Variants in CAPS2 observed in about 807,000 individuals in gnomAD.
The protein encoded by CAPS2 is calcyphosine 2.
In CAPS2, 98 loss-of-function variants were observed where a neutral mutation model predicts 86.5. The observed-to-expected ratio is 1.13, with a 90% CI of 0.96 to 1.34. CAPS2 has a LOEUF of 1.34. Ranked by LOEUF, CAPS2 falls within the 40% of genes most tolerant of loss-of-function variation. The pLI is 0.00. For synonymous variants in CAPS2, 210 were observed against 225.1 expected (o/e 0.93, Z 0.60); for missense variants, 729 against 686.8 (o/e 1.06, Z -0.69).
intron 16 of CAPS2, among the ~76,000 whole-genome samples, chr12:75,280,399 G>C (rs2033714160): frequency 6.6e-6 from 1 of 151,654 alleles, no homozygotes; most frequent in Admixed American, 6.6e-5. Context: ...CTTGCCTGTT[G>C]TCATTTTTAA....
Position 75,305,196 on chromosome 12 carries a change from C to T in CAPS2, c.660-320G>A, listed in dbSNP as rs111932707. On this transcript the variant is annotated intron_variant, in intron 7 of 16. Transcript: ENST00000393284. ...CATGTGGGAGGTGTGTAGGAGAGAA[C>T]ACAGGTAAAGTAAAATAAAAATATA... is the stretch of plus-strand genomic sequence containing the variant. 4.7e-3 allele frequency among the ~76,000 whole-genome samples: 711 copies of T among 151,966 alleles called. 7 individuals are homozygous for T. Among genetic ancestry groups the T allele is most frequent in the African/African-American group, 0.016 (680 of 41,438 alleles).
intron 13 of CAPS2, among the ~76,000 whole-genome samples, chr12:75,290,883 T>C (rs1484468807): frequency 6.7e-6 from 1 of 149,506 alleles, no homozygotes; most frequent in Non-Finnish European, 1.5e-5. Flanking sequence ...GTGATTGTAC[T>C]ATTGCACTCC....
chr12:75,310,323 T>C (rs1008298394), intron 7 of CAPS2, among the ~76,000 whole-genome samples: 2 of 152,226 alleles, frequency 1.3e-5, no homozygotes, highest in Admixed American at 6.5e-5. Flanking sequence ...GGTTTATTTA[T>C]GGTAAGGCCA....
upstream of CAPS2, chr12:75,326,542 G>A (rs1205331326): frequency 1.8e-6 from 2 of 1,133,578 alleles, no homozygotes; most frequent in South Asian, 2.7e-5. Context: ...GAAAAAGGTA[G>A]AGTAAATGTT....
intron 1 of CAPS2, among the ~76,000 whole-genome samples, chr12:75,362,814 T>C (rs2043695291): frequency 6.6e-6 from 1 of 152,178 alleles, no homozygotes; most frequent in Non-Finnish European, 1.5e-5. Flanking sequence ...AATCATACTA[T>C]CTATGACAAA....
At chr12:75,341,901 C>T (rs1468874700) in intron 1 of CAPS2, among the ~76,000 whole-genome samples, 1 of 151,900 alleles carries the variant, frequency 6.6e-6, no homozygotes, top group Non-Finnish European at 1.5e-5. Flanking sequence ...AGCACCGCCC[C>T]CACACCTGGC....
chr12:75,278,137 A>C, exon 17 of CAPS2: 3 of 934,312 alleles, frequency 3.2e-6, no homozygotes, highest in Non-Finnish European at 3.8e-6. Flanking sequence ...TTGCTCAATA[A>C]CAATCGTATG....
chr12:75,276,905 T>C (rs185751955), downstream of CAPS2: 1 of 984,536 alleles, frequency 1.0e-6, no homozygotes, highest in Admixed American at 6.2e-5. Flanking sequence ...AGCATAGGAT[T>C]TCAAAAGTCA....
chr12:75,361,552 A>G (rs1373149822), intron 1 of CAPS2, among the ~76,000 whole-genome samples: 1 of 152,168 alleles, frequency 6.6e-6, no homozygotes, highest in African/African-American at 2.4e-5. Context: ...GCTGTACCTC[A>G]GCCTGTTTTA....
intron 1 of CAPS2, chr12:75,370,477 A>C (rs1331598095): frequency 5.0e-6 from 1 of 199,726 alleles, no homozygotes; most frequent in African/African-American, 2.3e-5. Flanking sequence ...TAGAGAACTA[A>C]AGACTTTTCA....
intron 7 of CAPS2, chr12:75,305,805 A>G: frequency 1.4e-6 from 1 of 735,954 alleles, no homozygotes. Context: ...AGCTACAATT[A>G]GTGATGGAGG....
At chr12:75,277,019 G>C (rs1013030305), downstream of CAPS2, 6 of 984,500 alleles carry the variant, frequency 6.1e-6, no homozygotes, top group African/African-American at 8.8e-5. Flanking sequence ...GAAGAATGCA[G>C]GCAGTCAGGC....
intron 15 of CAPS2, among the ~76,000 whole-genome samples, chr12:75,284,328 T>C (rs1258440418): frequency 2.6e-5 from 4 of 152,144 alleles, no homozygotes; most frequent in Non-Finnish European, 4.4e-5. Context: ...ATTAAGTACA[T>C]ATGCAAAAGA....
intron 7 of CAPS2, chr12:75,306,002 C>T (rs1399044251): frequency 2.0e-5 from 29 of 1,459,484 alleles, no homozygotes; most frequent in Admixed American, 3.8e-5. Context: ...AGGCCTCCTG[C>T]TCATGATCCT....
chr12:75,292,330 T>A (rs2036116794), intron 12 of CAPS2, among the ~76,000 whole-genome samples: 1 of 152,062 alleles, frequency 6.6e-6, no homozygotes, highest in Non-Finnish European at 1.5e-5. Flanking sequence ...CCTCCCAAAG[T>A]GCTGGGATTA....
intron 1 of CAPS2, among the ~76,000 whole-genome samples, chr12:75,339,108 G>A (rs547679421): frequency 2.0e-4 from 31 of 152,240 alleles, no homozygotes; most frequent in Non-Finnish European, 3.8e-4. Flanking sequence ...ATTCCTTTGG[G>A]TACATACCCA....
chr12:75,356,011 A>G (rs979327010), intron 1 of CAPS2, among the ~76,000 whole-genome samples: 4 of 152,132 alleles, frequency 2.6e-5, no homozygotes, highest in African/African-American at 9.7e-5. Flanking sequence ...GCATCAGCAA[A>G]AATAGCTAAC....
At chr12:75,355,417 T>A (rs928871915) in intron 1 of CAPS2, among the ~76,000 whole-genome samples, 1 of 152,196 alleles carries the variant, frequency 6.6e-6, no homozygotes, top group Non-Finnish European at 1.5e-5. Flanking sequence ...AAAATCGCAG[T>A]TAGATACCAT....
At chr12:75,308,952 C>T (rs1409220769) in intron 7 of CAPS2, among the ~76,000 whole-genome samples, 1 of 148,824 alleles carries the variant, frequency 6.7e-6, no homozygotes, top group Non-Finnish European at 1.5e-5. Context: ...TGGCCAGCTA[C>T]GTTTGGACCA....
Sources: gnomAD v4.1 joint callset for allele counts (sites outside exome capture counted in the v4.1 genomes callset) on GRCh38, gnomAD v4.1.1 for gene constraint, MANE v1.5 for transcripts, NCBI Gene and HGNC (gene_info 2026-07-23, HGNC 2026-07-21) for gene names.